Variants in PTPN4 observed in about 807,000 individuals in gnomAD.
PTPN4 encodes the protein tyrosine-protein phosphatase non-receptor type 4.
A neutral mutation model predicts 135.5 loss-of-function variants in PTPN4; 49 were observed. The ratio of observed to expected loss-of-function variants is 0.36; its 90% CI spans 0.29 to 0.46. The LOEUF (loss-of-function observed/expected upper bound fraction) is 0.46. Ranked by LOEUF, PTPN4 falls within the 20% of genes least tolerant of loss-of-function variation. PTPN4 has a pLI of 1.00. For missense variants in PTPN4, 860 were observed against 1,101.0 expected (o/e 0.78, Z 3.10); for synonymous variants, 333 against 369.9 (o/e 0.90, Z 1.14).
At chr2:119,940,525 A>G (rs1174914978) in intron 15 of PTPN4, among the ~76,000 whole-genome samples, 2 of 152,140 alleles carry the variant, frequency 1.3e-5, no homozygotes, top group African/African-American at 4.8e-5. Context: ...GCGCAATTAT[A>G]GCTCACCACA....
At chr2:119,826,976 T>A (rs1677155731) in intron 2 of PTPN4, among the ~76,000 whole-genome samples, 1 of 152,218 alleles carries the variant, frequency 6.6e-6, no homozygotes, top group South Asian at 2.1e-4. Flanking sequence ...TACAGTGAAC[T>A]GTGATTGTGT....
At chr2:119,939,246 A>G (rs953488416) in intron 15 of PTPN4, among the ~76,000 whole-genome samples, 1 of 152,214 alleles carries the variant, frequency 6.6e-6, no homozygotes, top group Non-Finnish European at 1.5e-5. Context: ...CTTTATTCTT[A>G]CATTCCTAAT....
At chr2:119,838,752 C>G (rs1677335388) in intron 2 of PTPN4, among the ~76,000 whole-genome samples, 1 of 152,188 alleles carries the variant, frequency 6.6e-6, no homozygotes, top group African/African-American at 2.4e-5. Context: ...ATAAGAAAGA[C>G]TGAAGAATCT....
At chr2:119,875,922 G>T (rs1211970398) in intron 3 of PTPN4, among the ~76,000 whole-genome samples, 1 of 152,166 alleles carries the variant, frequency 6.6e-6, no homozygotes, top group Non-Finnish European at 1.5e-5. Context: ...TTCCTTACTT[G>T]TTAAATGGGA....
intron 2 of PTPN4, among the ~76,000 whole-genome samples, chr2:119,853,186 T>C (rs1677622767): frequency 6.6e-6 from 1 of 152,236 alleles, no homozygotes; most frequent in African/African-American, 2.4e-5. Flanking sequence ...TTTTCTTTTT[T>C]ACATCTTTGC....
At chr2:119,929,479 C>T (rs1196626599) in intron 13 of PTPN4, among the ~76,000 whole-genome samples, 1 of 151,942 alleles carries the variant, frequency 6.6e-6, no homozygotes, top group Non-Finnish European at 1.5e-5. Flanking sequence ...TTTGTGTTCG[C>T]CTCAGCAGCA....
chr2:119,882,907 T>G (rs1299495561), intron 8 of PTPN4, among the ~76,000 whole-genome samples: 1 of 152,156 alleles, frequency 6.6e-6, no homozygotes, highest in African/African-American at 2.4e-5. Context: ...AACAGTATAG[T>G]CACAATATAG....
chr2:119,824,706 G>C (rs2104958674), intron 2 of PTPN4, among the ~76,000 whole-genome samples: 1 of 151,934 alleles, frequency 6.6e-6, no homozygotes, highest in African/African-American at 2.4e-5. Flanking sequence ...TTTTTTCTTT[G>C]AGATAGAGTC....
chr2:119,869,336 A>G (rs1158531570), intron 3 of PTPN4, among the ~76,000 whole-genome samples: 2 of 152,228 alleles, frequency 1.3e-5, no homozygotes, highest in African/African-American at 2.4e-5. Context: ...ATTTGTCACA[A>G]TTTAAACTGC....
intron 2 of PTPN4, among the ~76,000 whole-genome samples, chr2:119,844,877 G>A (rs954737629): frequency 2.8e-4 from 42 of 151,228 alleles, no homozygotes; most frequent in African/African-American, 7.1e-4. Flanking sequence ...CTGCAATCTC[G>A]GCACTTTGGG....
At chr2:119,764,645 T>G (rs1170576333) in intron 1 of PTPN4, among the ~76,000 whole-genome samples, 1 of 152,116 alleles carries the variant, frequency 6.6e-6, no homozygotes, top group African/African-American at 2.4e-5. Flanking sequence ...TAAGCTTTTT[T>G]TTTTTCTTAA....
intron 15 of PTPN4, among the ~76,000 whole-genome samples, chr2:119,941,980 T>C (rs1679068074): frequency 6.6e-6 from 1 of 152,204 alleles, no homozygotes; most frequent in Non-Finnish European, 1.5e-5. Context: ...AGGCCCATTC[T>C]TTCCGGAGCT....
At chr2:119,924,029 C>G (rs967283432) in intron 12 of PTPN4, among the ~76,000 whole-genome samples, 1 of 149,486 alleles carries the variant, frequency 6.7e-6, no homozygotes, top group African/African-American at 2.5e-5. Context: ...CCCAGTTACT[C>G]GGGAGGCTGA....
At chr2:119,876,228 G>A (rs1272910431) in intron 3 of PTPN4, among the ~76,000 whole-genome samples, 1 of 152,144 alleles carries the variant, frequency 6.6e-6, no homozygotes, top group East Asian at 1.9e-4. Flanking sequence ...AATCAAATGA[G>A]TGACATACTC....
rs975759428 is a variant in PTPN4, at chr2:119,977,297, A to G, written c.*227A>G. ...GTTTCATGCTTTGCTCCGAACAAAT[A>G]GTAAATAACTGAGTATGTTCAGGGT... On this transcript the variant is annotated 3_prime_UTR_variant, in exon 27 of 27. Coordinates refer to ENST00000263708, the MANE Select transcript of PTPN4 (RefSeq NM_002830.4). The G allele has an allele frequency of 4.9e-6, 3 of 613,124 alleles. No homozygotes were observed. The highest frequency in any genetic ancestry group is 6.8e-6 in the Non-Finnish European group (3 of 438,308). 38.0% of individuals were successfully genotyped at this position (613,124 alleles called of 1,614,324 possible).
At chr2:119,819,948 A>G (rs1677040115) in intron 2 of PTPN4, among the ~76,000 whole-genome samples, 1 of 151,602 alleles carries the variant, frequency 6.6e-6, no homozygotes, top group African/African-American at 2.4e-5. Context: ...GCAGGCTTGA[A>G]CTCCTGGGCT....
At chr2:119,907,667 T>C (rs941005242) in intron 10 of PTPN4, among the ~76,000 whole-genome samples, 6 of 152,052 alleles carry the variant, frequency 3.9e-5, no homozygotes, top group Admixed American at 2.0e-4. Flanking sequence ...AAAACAATAC[T>C]GAGTCAAGAG....
intron 2 of PTPN4, among the ~76,000 whole-genome samples, chr2:119,825,208 T>C (rs1017883508): frequency 6.6e-6 from 1 of 152,220 alleles, no homozygotes; most frequent in African/African-American, 2.4e-5. Flanking sequence ...ATTTAGAGTA[T>C]GTTTCTGTAG....
Position 119,977,306 on chromosome 2 carries a change from C to T in PTPN4, c.*236C>T. The stretch of plus-strand genomic sequence containing the variant: ...TTTGCTCCGAACAAATAGTAAATAA[C>T]TGAGTATGTTCAGGGTAATTTATGA... On this transcript the variant is annotated 3_prime_UTR_variant, in exon 27 of 27. Coordinates refer to ENST00000263708, the MANE Select transcript of PTPN4 (RefSeq NM_002830.4). The T allele has an allele frequency of 1.8e-6, 1 of 553,560 alleles. No individual in the cohort carries two copies. Among genetic ancestry groups the T allele is most frequent in the Non-Finnish European group, 2.6e-6 (1 of 390,878 alleles). 34.3% of individuals were successfully genotyped at this position (553,560 alleles called of 1,614,324 possible). A position where few individuals can be genotyped will look rare whatever the true frequency, so the allele number is the denominator to read the frequency against.
Sources: allele counts gnomAD v4.1 joint callset (sites outside exome capture counted in the v4.1 genomes callset), GRCh38; gene constraint gnomAD v4.1.1; transcripts MANE v1.5; gene names NCBI Gene and HGNC (gene_info 2026-07-23, HGNC 2026-07-21).